The following OTUD7A variants were observed in gnomAD, a reference collection of about 807,000 sequenced individuals.
The protein encoded by OTUD7A is OTU domain-containing protein 7A.
In OTUD7A, 12 loss-of-function variants were observed where a neutral mutation model predicts 65.7. The observed-to-expected ratio is 0.18, with a 90% CI of 0.12 to 0.30. The LOEUF (loss-of-function observed/expected upper bound fraction) is 0.30, where lower values mean the gene tolerates loss of function less well. Ranked by LOEUF, OTUD7A falls within the 10% of genes least tolerant of loss-of-function variation. The pLI, the probability that OTUD7A is intolerant of heterozygous loss-of-function variation, is 1.00. For missense variants in OTUD7A, 1,148 were observed against 1,304.8 expected, an observed-to-expected ratio of 0.88 and a Z score of 1.85; for synonymous variants, 641 against 586.3, an observed-to-expected ratio of 1.09 and a Z score of -1.35.
intron 10 of OTUD7A, among the ~76,000 whole-genome samples, chr15:31,492,376 C>A (rs2041328110): frequency 6.6e-6 from 1 of 152,114 alleles, no homozygotes; most frequent in African/African-American, 2.4e-5. Flanking sequence ...GTCAGGAGTT[C>A]AAGATCAGCC....
intron 5 of OTUD7A, among the ~76,000 whole-genome samples, chr15:31,533,063 C>T (rs1167773423): frequency 6.7e-6 from 1 of 149,960 alleles, no homozygotes; most frequent in Non-Finnish European, 1.5e-5. Context: ...AGAAAAAAAA[C>T]CCATAGAAAC....
At chr15:31,786,089 C>T (rs973946782) in intron 1 of OTUD7A, among the ~76,000 whole-genome samples, 1 of 152,094 alleles carries the variant, frequency 6.6e-6, no homozygotes, top group Non-Finnish European at 1.5e-5. Flanking sequence ...ACGCTCAGCC[C>T]TCTCGCCATA....
At position 31,510,953 on chromosome 15, in the gene OTUD7A, T is replaced by C. The variant is rs199811894; in HGVS notation, c.894-7135A>G. 1.8e-3 allele frequency among the ~76,000 whole-genome samples: 164 copies of C among 90,678 alleles called. 40 individuals are homozygous for C. The highest frequency in any genetic ancestry group is 1.0e-2 in the South Asian group (27 of 2,712). The allele number at this position is 90,678 out of a possible 152,430, so 59.5% of individuals were successfully genotyped here. On this transcript the variant is annotated intron_variant, in intron 8 of 12. Transcript: ENST00000307050. ...TATATGTATATCTATATGTAACATATATGTATATCTATATGTAACATATGT... is the reference window on the plus strand; with the variant it reads ...TATATGTATATCTATATGTAACATACATGTATATCTATATGTAACATATGT...
chr15:31,634,565 C>T (rs1458377536), intron 3 of OTUD7A, among the ~76,000 whole-genome samples: 1 of 152,236 alleles, frequency 6.6e-6, no homozygotes, highest in Non-Finnish European at 1.5e-5. Flanking sequence ...CTTCACGGAG[C>T]TCTGTGCATG....
At chr15:31,649,338 T>C (rs943316657) in intron 3 of OTUD7A, among the ~76,000 whole-genome samples, 3 of 152,232 alleles carry the variant, frequency 2.0e-5, no homozygotes, top group African/African-American at 7.2e-5. Context: ...GATCAGCCTC[T>C]GCTCCTCCTT....
At chr15:31,849,849 A>G (rs962042493) in intron 1 of OTUD7A, among the ~76,000 whole-genome samples, 9 of 152,376 alleles carry the variant, frequency 5.9e-5, no homozygotes, top group Middle Eastern at 3.4e-3. Context: ...AACCACAATG[A>G]GATACCATCT....
intron 1 of OTUD7A, chr15:31,766,307 G>A: frequency 6.2e-7 from 1 of 1,605,890 alleles, no homozygotes; most frequent in South Asian, 1.1e-5. Flanking sequence ...GACTCATTCG[G>A]GAAATCATAC....
chr15:31,632,316 C>A (rs533916182), intron 3 of OTUD7A, among the ~76,000 whole-genome samples: 300 of 152,322 alleles, frequency 2.0e-3, no homozygotes, highest in African/African-American at 6.9e-3. Flanking sequence ...CAGACAGGAC[C>A]CTCAGCTGCA....
At chr15:31,703,996 T>C (rs1393032822) in intron 1 of OTUD7A, among the ~76,000 whole-genome samples, 2 of 137,534 alleles carry the variant, frequency 1.5e-5, no homozygotes, top group African/African-American at 5.1e-5. Flanking sequence ...TGATATAACA[T>C]TATTACAATA....
chr15:31,776,566 G>C (rs894803650), intron 1 of OTUD7A, among the ~76,000 whole-genome samples: 2 of 152,170 alleles, frequency 1.3e-5, no homozygotes, highest in Non-Finnish European at 2.9e-5. Context: ...CAGGTATGTG[G>C]GGACAGGGGC....
intron 1 of OTUD7A, among the ~76,000 whole-genome samples, chr15:31,802,103 ATGTGTG>A (rs1255794707): frequency 0.014 from 488 of 35,542 alleles, 7 homozygotes; most frequent in African/African-American, 0.024. Flanking sequence ...GTGTGTATAT[ATGTGTG>A]TGTGTGTGTG....
In OTUD7A at chr15:31,633,894, C is replaced by T. The variant is rs372284715; in HGVS notation, c.151+21202G>A. On this transcript the variant is annotated intron_variant, in intron 3 of 12. Transcript: ENST00000307050. ...GTCCAGCGTGCTGCCCTCTTCTCTCCGGACCTGCGAGGAACTCACTGCTTC... is the reference window on the plus strand; with the variant it reads ...GTCCAGCGTGCTGCCCTCTTCTCTCTGGACCTGCGAGGAACTCACTGCTTC... 7.9e-5 allele frequency among the ~76,000 whole-genome samples: 12 copies of T among 152,308 alleles called. No homozygotes were observed. The South Asian group carries it at 1.2e-3, about 16-fold the overall frequency.
chr15:31,659,219 T>C (rs1892088451), intron 1 of OTUD7A, among the ~76,000 whole-genome samples: 1 of 152,142 alleles, frequency 6.6e-6, no homozygotes, highest in Admixed American at 6.5e-5. Flanking sequence ...TGGCAGAGGC[T>C]TGTGGTCTGA....
chr15:31,592,739 G>GC, intron 3 of OTUD7A, among the ~76,000 whole-genome samples: 1 of 151,132 alleles, frequency 6.6e-6, no homozygotes, highest in Non-Finnish European at 1.5e-5. Context: ...AATTAGCCAT[G>GC]CTTGGTGATG....
At chr15:31,522,730 G>A (rs760627752) in intron 8 of OTUD7A, among the ~76,000 whole-genome samples, 1 of 152,150 alleles carries the variant, frequency 6.6e-6, no homozygotes, top group African/African-American at 2.4e-5. Flanking sequence ...GTTCTTCCAC[G>A]TGGCCGGGGC....
intron 1 of OTUD7A, among the ~76,000 whole-genome samples, chr15:31,720,455 G>A (rs2449643): frequency 2.5e-4 from 38 of 150,712 alleles, no homozygotes; most frequent in Middle Eastern, 3.4e-3. Context: ...GCTGGAGTGC[G>A]GTGGCGCGCT....
chr15:31,742,925 T>C (rs1894381354), intron 1 of OTUD7A, among the ~76,000 whole-genome samples: 1 of 152,002 alleles, frequency 6.6e-6, no homozygotes, highest in South Asian at 2.1e-4. Flanking sequence ...ACAATAAATA[T>C]ATATAAATAC....
At chr15:31,792,293 G>A (rs2140938536) in intron 1 of OTUD7A, among the ~76,000 whole-genome samples, 1 of 152,108 alleles carries the variant, frequency 6.6e-6, no homozygotes, top group Non-Finnish European at 1.5e-5. Flanking sequence ...CAGCAGGAAG[G>A]GTCATTTTTT....
chr15:31,733,079 G>T (rs1044858529), intron 1 of OTUD7A, among the ~76,000 whole-genome samples: 1 of 152,176 alleles, frequency 6.6e-6, no homozygotes, highest in Non-Finnish European at 1.5e-5. Context: ...GTGGGCTCTG[G>T]AGCCCGAGTT....
Sources: allele counts gnomAD v4.1 joint callset (sites outside exome capture counted in the v4.1 genomes callset), GRCh38; gene constraint gnomAD v4.1.1; transcripts MANE v1.5; gene names NCBI Gene and HGNC (gene_info 2026-07-23, HGNC 2026-07-21).